CTIF: variants seen among roughly 807,000 people sequenced by gnomAD.
The protein encoded by CTIF is CBP80/20-dependent translation initiation factor.
CTIF carries 21 observed loss-of-function variants against 66.0 expected under a neutral mutation model. The ratio of observed to expected loss-of-function variants is 0.32; its 90% CI spans 0.23 to 0.46. The LOEUF is 0.46. Ranked by LOEUF, CTIF falls within the 20% of genes least tolerant of loss-of-function variation. CTIF has a pLI of 1.00. For synonymous variants in CTIF, 345 were observed against 326.4 expected, an observed-to-expected ratio of 1.06 and a Z score of -0.62; for missense variants, 739 against 812.7, an observed-to-expected ratio of 0.91 and a Z score of 1.10.
intron 1 of CTIF, among the ~76,000 whole-genome samples, chr18:48,574,230 G>C (rs563285014): frequency 2.0e-5 from 3 of 152,308 alleles, no homozygotes; most frequent in African/African-American, 4.8e-5. Context: ...GCACCCATTT[G>C]GGGATAAATT....
chr18:48,757,481 A>C (rs959282350), intron 7 of CTIF, among the ~76,000 whole-genome samples: 2 of 152,200 alleles, frequency 1.3e-5, no homozygotes, highest in Non-Finnish European at 2.9e-5. Flanking sequence ...TGTAAGAAGC[A>C]GGTCTGCGTA....
At chr18:48,855,661 A>G (rs11660875) in intron 10 of CTIF, among the ~76,000 whole-genome samples, 17,700 of 152,248 alleles carry the variant, frequency 0.12, 1,279 homozygotes, top group Non-Finnish European at 0.17. Flanking sequence ...TTGCAGGGGA[A>G]GGAAGTGGGG....
rs118070479 is a variant in CTIF at position 48,856,081 on chromosome 18, G to C, written c.1528-1507G>C. On this transcript the variant is annotated intron_variant, in intron 10 of 11. Transcript: ENST00000256413. Reference sequence around the variant, plus strand: ...GGAGGAAAATATTGGAGGAATGCCTGTTTTAGGAACTGAGAGAAAAAGCAT... The same window carrying C: ...GGAGGAAAATATTGGAGGAATGCCTCTTTTAGGAACTGAGAGAAAAAGCAT... Among the ~76,000 whole-genome samples the C allele has an allele frequency of 2.3e-3, 347 of 152,334 alleles. 1 individual carries two copies. Among genetic ancestry groups the C allele is most frequent in the Middle Eastern group, 0.014 (4 of 294 alleles).
chr18:48,575,324 A>G (rs955837626), intron 1 of CTIF, among the ~76,000 whole-genome samples: 1 of 152,208 alleles, frequency 6.6e-6, no homozygotes, highest in African/African-American at 2.4e-5. Context: ...CGGCCGAGTA[A>G]CAGAACCAGA....
At chr18:48,846,851 GTGGATGGA>G (rs544126275) in intron 10 of CTIF, among the ~76,000 whole-genome samples, 3 of 147,772 alleles carry the variant, frequency 2.0e-5, no homozygotes, top group Non-Finnish European at 3.0e-5. Flanking sequence ...GAATGGATGG[GTGGATGGA>G]TGGATGGATG....
intron 10 of CTIF, among the ~76,000 whole-genome samples, chr18:48,840,768 G>A (rs934905295): frequency 1.3e-5 from 2 of 152,028 alleles, no homozygotes; most frequent in Non-Finnish European, 2.9e-5. Flanking sequence ...TTGGTCCTTG[G>A]TTACTGCATT....
chr18:48,585,724 T>C (rs1480248144), intron 1 of CTIF, among the ~76,000 whole-genome samples: 1 of 152,144 alleles, frequency 6.6e-6, no homozygotes, highest in African/African-American at 2.4e-5. Context: ...TGCAATATAC[T>C]CCAGCCTGAA....
chr18:48,604,824 T>C (rs2090173930), intron 1 of CTIF, among the ~76,000 whole-genome samples: 1 of 152,202 alleles, frequency 6.6e-6, no homozygotes, highest in South Asian at 2.1e-4. Flanking sequence ...ACCATTCTAC[T>C]TTTTGTCTCT....
chr18:48,792,523 G>A (rs910483356), intron 9 of CTIF, among the ~76,000 whole-genome samples: 6 of 152,212 alleles, frequency 3.9e-5, no homozygotes, highest in Admixed American at 3.9e-4. Flanking sequence ...GGAGCCTTTA[G>A]GGGGACAATG....
chr18:48,741,087 A>T (rs1486812506), intron 7 of CTIF, among the ~76,000 whole-genome samples: 1 of 152,360 alleles, frequency 6.6e-6, no homozygotes, highest in East Asian at 1.9e-4. Context: ...TTCTTAGAAT[A>T]GTGCCTTGGA....
chr18:48,822,525 C>T (rs1286042492), intron 10 of CTIF, among the ~76,000 whole-genome samples: 2 of 144,384 alleles, frequency 1.4e-5, no homozygotes, highest in African/African-American at 5.2e-5. Context: ...CACACACACA[C>T]ACACACACAC....
chr18:48,731,742 G>A (rs910278953), intron 7 of CTIF, among the ~76,000 whole-genome samples: 7 of 152,120 alleles, frequency 4.6e-5, no homozygotes, highest in East Asian at 1.9e-4. Context: ...CTTCATTCCC[G>A]CTTATTATAA....
At chr18:48,571,037 A>G (rs540529181) in intron 1 of CTIF, among the ~76,000 whole-genome samples, 15 of 152,348 alleles carry the variant, frequency 9.8e-5, no homozygotes, top group Non-Finnish European at 2.1e-4. Context: ...TTCATGTTAC[A>G]TGAATTTCAC....
intron 1 of CTIF, among the ~76,000 whole-genome samples, chr18:48,603,343 T>A (rs1265896390): frequency 2.2e-5 from 2 of 91,300 alleles, no homozygotes; most frequent in Non-Finnish European, 4.3e-5. Flanking sequence ...ATGGGTGGAT[T>A]GGGATGGACG....
intron 10 of CTIF, among the ~76,000 whole-genome samples, chr18:48,824,240 A>G (rs1344038749): frequency 6.6e-6 from 1 of 152,222 alleles, no homozygotes; most frequent in Non-Finnish European, 1.5e-5. Flanking sequence ...ACACAAACAA[A>G]TGGAAAAACA....
chr18:48,732,530 G>A (rs2145678357), intron 7 of CTIF, among the ~76,000 whole-genome samples: 1 of 152,332 alleles, frequency 6.6e-6, no homozygotes, highest in Admixed American at 6.5e-5. Context: ...TGGAGAAGCT[G>A]CTGCAAAGCC....
intron 1 of CTIF, among the ~76,000 whole-genome samples, chr18:48,573,150 C>A (rs560691732): frequency 5.9e-5 from 9 of 152,252 alleles, no homozygotes; most frequent in South Asian, 2.1e-4. Flanking sequence ...AGGAAGGCTG[C>A]CCTGGACTGC....
intron 3 of CTIF, among the ~76,000 whole-genome samples, chr18:48,654,895 G>C (rs774061726): frequency 2.7e-4 from 41 of 151,770 alleles, no homozygotes; most frequent in Non-Finnish European, 4.4e-4. Flanking sequence ...AACACCACAC[G>C]TTCTCACTCA....
intron 1 of CTIF, among the ~76,000 whole-genome samples, chr18:48,571,005 T>G (rs1297277597): frequency 6.6e-6 from 1 of 152,210 alleles, no homozygotes; most frequent in Non-Finnish European, 1.5e-5. Context: ...TTGTATACTT[T>G]AAGATGCCTA....
Sources: allele counts gnomAD v4.1 joint callset (sites outside exome capture counted in the v4.1 genomes callset), GRCh38; gene constraint gnomAD v4.1.1; transcripts MANE v1.5; gene names NCBI Gene and HGNC (gene_info 2026-07-23, HGNC 2026-07-21).